The following FGF14 variants were observed in gnomAD, a reference collection of about 807,000 sequenced individuals.
The protein encoded by FGF14 is fibroblast growth factor homologous factor 4.
Under a neutral mutation model 25.5 loss-of-function variants are expected in FGF14, and 5 were observed. That is an observed-to-expected ratio of 0.20 (90% CI 0.10 to 0.41). The LOEUF (loss-of-function observed/expected upper bound fraction) is 0.41, where lower values mean the gene tolerates loss of function less well. Among genes scored for constraint, FGF14 ranks in the 10% least tolerant of loss-of-function variants. FGF14 has a pLI of 1.00. For synonymous variants in FGF14, 138 were observed against 118.3 expected (o/e 1.17, Z -1.08); for missense variants, 222 against 320.1 (o/e 0.69, Z 2.34).
At chr13:102,095,854 T>C (rs2044369049) in intron 1 of FGF14, among the ~76,000 whole-genome samples, 2 of 152,140 alleles carry the variant, frequency 1.3e-5, no homozygotes, top group African/African-American at 4.8e-5. Context: ...GCCTTCTCAA[T>C]CAACAGTTAG....
At chr13:101,905,666 C>A (rs774889107) in intron 1 of FGF14, among the ~76,000 whole-genome samples, 3 of 151,970 alleles carry the variant, frequency 2.0e-5, no homozygotes, top group Non-Finnish European at 4.4e-5. Context: ...CAAAACTGCA[C>A]ATTCTGCACA....
chr13:102,385,931 C>T (rs1320589708), intron 1 of FGF14, among the ~76,000 whole-genome samples: 1 of 152,090 alleles, frequency 6.6e-6, no homozygotes, highest in Non-Finnish European at 1.5e-5. Context: ...TAAAATACAG[C>T]AATTTTGCCA....
intron 1 of FGF14, among the ~76,000 whole-genome samples, chr13:102,248,406 G>A (rs2051994079): frequency 6.6e-6 from 1 of 152,096 alleles, no homozygotes; most frequent in Non-Finnish European, 1.5e-5. Flanking sequence ...CAGATAAAAT[G>A]AGACAATGCT....
At chr13:102,243,119 T>TA (rs1467892528) in intron 1 of FGF14, among the ~76,000 whole-genome samples, 5 of 152,082 alleles carry the variant, frequency 3.3e-5, no homozygotes, top group African/African-American at 1.2e-4. Context: ...AATAAAGCCC[T>TA]AAAGGATAGC....
At chr13:102,176,559 C>T (rs931376964) in intron 1 of FGF14, among the ~76,000 whole-genome samples, 4 of 152,112 alleles carry the variant, frequency 2.6e-5, no homozygotes, top group Non-Finnish European at 5.9e-5. Flanking sequence ...CATATACCCA[C>T]TTAATCTGTA....
At chr13:102,040,007 C>T (rs953540917) in intron 1 of FGF14, among the ~76,000 whole-genome samples, 4 of 152,072 alleles carry the variant, frequency 2.6e-5, no homozygotes, top group Non-Finnish European at 5.9e-5. Context: ...GCATGCATCA[C>T]GTTCCAGGGC....
intron 1 of FGF14, among the ~76,000 whole-genome samples, chr13:102,346,637 A>G (rs2057114876): frequency 6.6e-6 from 1 of 152,162 alleles, no homozygotes; most frequent in Admixed American, 6.5e-5. Context: ...CACATTACAC[A>G]TAACATATGC....
intron 1 of FGF14, among the ~76,000 whole-genome samples, chr13:102,146,102 A>C (rs1435619639): frequency 6.6e-6 from 1 of 151,854 alleles, no homozygotes; most frequent in African/African-American, 2.4e-5. Context: ...GATTCATAAA[A>C]CTCTTCCTGG....
intron 1 of FGF14, among the ~76,000 whole-genome samples, chr13:101,961,320 G>C (rs2036844283): frequency 6.6e-6 from 1 of 152,036 alleles, no homozygotes; most frequent in South Asian, 2.1e-4. Flanking sequence ...TATAGTTTTG[G>C]GTTTTGCATT....
intron 4 of FGF14, among the ~76,000 whole-genome samples, chr13:101,724,587 A>G (rs2035242740): frequency 1.1e-5 from 1 of 92,012 alleles, no homozygotes; most frequent in Non-Finnish European, 2.2e-5. Flanking sequence ...AACTTAAAGT[A>G]TAATAATAAA....
chr13:102,098,150 C>T (rs1180216016), intron 1 of FGF14, among the ~76,000 whole-genome samples: 1 of 152,184 alleles, frequency 6.6e-6, no homozygotes, highest in Non-Finnish European at 1.5e-5. Context: ...GTCTCAAGAC[C>T]CCCACCAGCC....
intron 1 of FGF14, among the ~76,000 whole-genome samples, chr13:102,375,347 A>G (rs1180466885): frequency 6.6e-6 from 1 of 152,204 alleles, no homozygotes; most frequent in Non-Finnish European, 1.5e-5. Context: ...AGCACAGTGT[A>G]CAAGACACAG....
At chr13:102,154,565 C>T (rs1031333884) in intron 1 of FGF14, among the ~76,000 whole-genome samples, 2 of 152,112 alleles carry the variant, frequency 1.3e-5, no homozygotes, top group African/African-American at 2.4e-5. Context: ...CAAAAACATG[C>T]CAAATTGTAA....
At chr13:102,118,059 A>G (rs1465129096) in intron 1 of FGF14, among the ~76,000 whole-genome samples, 1 of 152,174 alleles carries the variant, frequency 6.6e-6, no homozygotes. Context: ...AAGAGAACAT[A>G]ATTATTTCAA....
intron 1 of FGF14, among the ~76,000 whole-genome samples, chr13:101,912,076 A>G (rs945569982): frequency 2.0e-5 from 3 of 151,506 alleles, no homozygotes; most frequent in Non-Finnish European, 2.9e-5. Flanking sequence ...TTCCTTACAT[A>G]GCACCTTGTA....
intron 1 of FGF14, among the ~76,000 whole-genome samples, chr13:102,340,852 T>A (rs1265319577): frequency 6.6e-6 from 1 of 152,172 alleles, no homozygotes; most frequent in African/African-American, 2.4e-5. Context: ...AGCAAGAATA[T>A]CCCATGCATG....
chr13:101,875,877 T>C (rs981671289), intron 1 of FGF14, among the ~76,000 whole-genome samples: 63 of 152,296 alleles, frequency 4.1e-4, no homozygotes, highest in African/African-American at 1.4e-3. Context: ...GAAGTATCTG[T>C]GCTGCTTAGA....
intron 1 of FGF14, among the ~76,000 whole-genome samples, chr13:102,201,102 C>CAAAAAA (rs60149871): frequency 9.6e-5 from 6 of 62,716 alleles, no homozygotes; most frequent in African/African-American, 2.6e-4. Flanking sequence ...CTCCGTCTCT[C>CAAAAAA]AAAAAAAAAA....
At chr13:101,782,319 T>A (rs571070158) in intron 3 of FGF14, among the ~76,000 whole-genome samples, 1 of 152,362 alleles carries the variant, frequency 6.6e-6, no homozygotes, top group Admixed American at 6.5e-5. Flanking sequence ...ACTGCCAATA[T>A]CATATTTCAA....
Sources: gnomAD v4.1 joint callset for allele counts (sites outside exome capture counted in the v4.1 genomes callset) on GRCh38, gnomAD v4.1.1 for gene constraint, MANE v1.5 for transcripts, NCBI Gene and HGNC (gene_info 2026-07-23, HGNC 2026-07-21) for gene names.